RETREG1: variants seen among roughly 807,000 people sequenced by gnomAD.
The protein encoded by RETREG1 is family with sequence similarity 134 member B.
In RETREG1, 44 loss-of-function variants were observed where a neutral mutation model predicts 54.8. The observed-to-expected ratio is 0.80, with a 90% CI of 0.63 to 1.03. RETREG1 has a LOEUF of 1.03. RETREG1 is among the 50% of genes least tolerant of loss of function. The probability of loss-of-function intolerance (pLI) is 0.00; values close to 1 mark genes in which losing one functional copy is unlikely to be tolerated. For missense variants in RETREG1, 554 were observed against 605.1 expected (o/e 0.92, Z 0.89); for synonymous variants, 217 against 238.5 (o/e 0.91, Z 0.83).
intron 3 of RETREG1, among the ~76,000 whole-genome samples, chr5:16,518,860 C>T (rs1740443440): frequency 6.6e-6 from 1 of 152,236 alleles, no homozygotes. Flanking sequence ...TTCCCATCTT[C>T]ACCCTTCCAT....
chr5:16,543,973 T>A (rs1177053629), intron 3 of RETREG1, among the ~76,000 whole-genome samples: 3 of 146,290 alleles, frequency 2.1e-5, no homozygotes, highest in Admixed American at 6.8e-5. Context: ...TTGCCAAGTT[T>A]TTTTTTTTTT....
intron 1 of RETREG1, among the ~76,000 whole-genome samples, chr5:16,576,892 G>A (rs188726509): frequency 6.6e-6 from 1 of 152,300 alleles, no homozygotes; most frequent in Non-Finnish European, 1.5e-5. Flanking sequence ...TGGGATTATA[G>A]GCAGGAGCCA....
chr5:16,583,699 A>T (rs1200566045), intron 1 of RETREG1, among the ~76,000 whole-genome samples: 1 of 152,226 alleles, frequency 6.6e-6, no homozygotes, highest in African/African-American at 2.4e-5. Context: ...AAAAAACACA[A>T]GACTTAGTTC....
In RETREG1 at chr5:16,577,010, T is replaced by C. The variant is rs556564040; in HGVS notation, c.321-4908A>G. 8.7e-5 allele frequency among the ~76,000 whole-genome samples: 13 copies of C among 148,956 alleles called. No homozygotes were observed. In the South Asian group the frequency reaches 2.2e-3, roughly 25 times the overall value. ...TCATCGAATATCCCATCAAGGTTCATATTTCCCCACTCATTTTTGTGTGCA... is the reference window on the plus strand; with the variant it reads ...TCATCGAATATCCCATCAAGGTTCACATTTCCCCACTCATTTTTGTGTGCA... On this transcript the variant is annotated intron_variant, in intron 1 of 8. Coordinates refer to ENST00000306320, the MANE Select transcript of RETREG1 (RefSeq NM_001034850.3).
At chr5:16,599,704 G>A (rs1394015507) in intron 1 of RETREG1, among the ~76,000 whole-genome samples, 1 of 152,208 alleles carries the variant, frequency 6.6e-6, no homozygotes, top group East Asian at 1.9e-4. Context: ...GGCCAGCCCT[G>A]TGGTCAGGCA....
chr5:16,607,075 T>C (rs1316213058), intron 1 of RETREG1, among the ~76,000 whole-genome samples: 1 of 152,190 alleles, frequency 6.6e-6, no homozygotes, highest in Admixed American at 6.5e-5. Context: ...TTCAGGTGTC[T>C]ACTCAAGGTC....
At position 16,476,311 on chromosome 5, in the gene RETREG1, A is replaced by G. The variant is rs1050919401; in HGVS notation, c.1001-1077T>C. Among the ~76,000 whole-genome samples, 70 of 152,264 alleles carry G rather than the reference A, an allele frequency of 4.6e-4. 1 individual carries two copies. Among genetic ancestry groups the G allele is most frequent in the African/African-American group, 1.6e-3 (67 of 41,568 alleles). On this transcript the variant is annotated intron_variant, in intron 8 of 8. Transcript: ENST00000306320. ...AAAACAGAAAATGTCCTTTTGGAACATAAGTGTAAAATAGTTCATTCACCC... is the reference window on the plus strand; with the variant it reads ...AAAACAGAAAATGTCCTTTTGGAACGTAAGTGTAAAATAGTTCATTCACCC...
rs3993826 is a variant in RETREG1, at chr5:16,573,735, G to GTTTTTTTTTTTTTTTTTTTTTTTTTTT, written c.321-1634_321-1633insAAAAAAAAAAAAAAAAAAAAAAAAAAA. 1.6e-5 allele frequency among the ~76,000 whole-genome samples: 2 copies of GTTTTTTTTTTTTTTTTTTTTTTTTTTT among 122,104 alleles called. 1 individual carries two copies. The allele number at this position is 122,104 out of a possible 152,430, so 80.1% of individuals were successfully genotyped here. On this transcript the variant is annotated intron_variant, in intron 1 of 8. Transcript: ENST00000306320. ...TTTAATTGGTTTTTTGGGTTTGTTT[G>GTTTTTTTTTTTTTTTTTTTTTTTTTTT]TTTTTTGTTTTTTTTTTTTTTTTTT...
intron 1 of RETREG1, among the ~76,000 whole-genome samples, chr5:16,578,091 C>T (rs1742384101): frequency 6.6e-6 from 1 of 152,162 alleles, no homozygotes; most frequent in African/African-American, 2.4e-5. Context: ...GTTATCCTTA[C>T]TGATGCTCCA....
intron 1 of RETREG1, among the ~76,000 whole-genome samples, chr5:16,589,642 A>C (rs1164504848): frequency 6.6e-6 from 1 of 152,212 alleles, no homozygotes; most frequent in Non-Finnish European, 1.5e-5. Context: ...TTGGGATTAC[A>C]GGTGTGAGCC....
chr5:16,571,634 C>T (rs1450520852), intron 2 of RETREG1, among the ~76,000 whole-genome samples: 1 of 151,870 alleles, frequency 6.6e-6, no homozygotes, highest in African/African-American at 2.4e-5. Context: ...AGTTGTTTTT[C>T]TTCATTGAGG....
At chr5:16,535,377 G>A (rs1326955091) in intron 3 of RETREG1, among the ~76,000 whole-genome samples, 1 of 129,820 alleles carries the variant, frequency 7.7e-6, no homozygotes, top group Non-Finnish European at 1.7e-5. Flanking sequence ...GCGTGCATGG[G>A]GCCTTCGCAA....
intron 1 of RETREG1, among the ~76,000 whole-genome samples, chr5:16,588,034 C>A (rs946720530): frequency 3.3e-5 from 5 of 152,220 alleles, no homozygotes; most frequent in African/African-American, 1.2e-4. Context: ...CCAGACCCCC[C>A]TCCCCACTGC....
At chr5:16,587,459 T>C (rs567744846) in intron 1 of RETREG1, among the ~76,000 whole-genome samples, 1 of 152,270 alleles carries the variant, frequency 6.6e-6, no homozygotes, top group East Asian at 1.9e-4. Flanking sequence ...ATTTGTAGAG[T>C]TCCCTGGCAT....
intron 1 of RETREG1, among the ~76,000 whole-genome samples, chr5:16,608,916 T>A (rs951651685): frequency 2.0e-5 from 3 of 152,234 alleles, no homozygotes; most frequent in African/African-American, 7.2e-5. Flanking sequence ...AATAGTCTCC[T>A]ATTTTTCTTT....
chr5:16,514,536 A>AT (rs1468791542), intron 3 of RETREG1, among the ~76,000 whole-genome samples: 1 of 152,076 alleles, frequency 6.6e-6, no homozygotes, highest in Non-Finnish European at 1.5e-5. Context: ...TTTTAGCTTA[A>AT]TTTTTTTATT....
intron 3 of RETREG1, among the ~76,000 whole-genome samples, chr5:16,496,120 A>G (rs1739444703): frequency 6.6e-6 from 1 of 152,060 alleles, no homozygotes; most frequent in Non-Finnish European, 1.5e-5. Context: ...TTTTGTCCAC[A>G]CTTAAAAAAA....
rs866966562 is a variant in RETREG1 at position 16,497,952 on chromosome 5, C to T, written c.459-14480G>A. Among the ~76,000 whole-genome samples the T allele has an allele frequency of 3.0e-4, 45 of 152,176 alleles. 1 individual carries two copies. Among genetic ancestry groups the T allele is most frequent in the Admixed American group, 2.0e-4 (3 of 15,272 alleles). On this transcript the variant is annotated intron_variant, in intron 3 of 8. Coordinates refer to ENST00000306320, the MANE Select transcript of RETREG1 (RefSeq NM_001034850.3). ...CAGTTACCTCCTTTATCATCAGTGC[C>T]AATGTTTGTTGTACCTTAGTTTATT...
At chr5:16,529,563 G>C (rs570330731) in intron 3 of RETREG1, among the ~76,000 whole-genome samples, 2 of 152,118 alleles carry the variant, frequency 1.3e-5, no homozygotes, top group African/African-American at 4.8e-5. Context: ...TGTTAATGTG[G>C]TAATTTAACA....
Sources: gnomAD v4.1 joint callset for allele counts (sites outside exome capture counted in the v4.1 genomes callset) on GRCh38, gnomAD v4.1.1 for gene constraint, MANE v1.5 for transcripts, NCBI Gene and HGNC (gene_info 2026-07-23, HGNC 2026-07-21) for gene names.